The following ERC1 variants were observed in gnomAD, a reference collection of about 807,000 sequenced individuals.
ERC1 encodes the protein RAB6 interacting protein 2.
A neutral mutation model predicts 132.0 loss-of-function variants in ERC1; 56 were observed. The observed-to-expected ratio is 0.42, with a 90% CI of 0.34 to 0.53. The LOEUF (loss-of-function observed/expected upper bound fraction) is 0.53. ERC1 is among the 20% of genes least tolerant of loss of function. The probability of loss-of-function intolerance (pLI) is 0.03; values close to 1 mark genes in which losing one functional copy is unlikely to be tolerated. For synonymous variants in ERC1, 478 were observed against 476.1 expected, an observed-to-expected ratio of 1.00 and a Z score of -0.05; for missense variants, 1,202 against 1,349.9, an observed-to-expected ratio of 0.89 and a Z score of 1.72.
At chr12:1,264,964 G>C (rs1253579756) in intron 14 of ERC1, among the ~76,000 whole-genome samples, 2 of 152,118 alleles carry the variant, frequency 1.3e-5, no homozygotes, top group Non-Finnish European at 2.9e-5. Context: ...TTTGTGTCAA[G>C]TATAGAAAAA....
chr12:1,257,803 A>C (rs926724316), intron 13 of ERC1, among the ~76,000 whole-genome samples: 11 of 152,226 alleles, frequency 7.2e-5, no homozygotes, highest in African/African-American at 2.7e-4. Context: ...GAATTTTCTA[A>C]TAGTCTCATT....
At chr12:1,398,100 C>G (rs913644018) in intron 16 of ERC1, among the ~76,000 whole-genome samples, 4 of 152,272 alleles carry the variant, frequency 2.6e-5, no homozygotes, top group Non-Finnish European at 5.9e-5. Context: ...CCTCCCACCT[C>G]AGCCTCCCAA....
At chr12:1,281,919 G>C (rs549861229) in intron 14 of ERC1, among the ~76,000 whole-genome samples, 3 of 152,170 alleles carry the variant, frequency 2.0e-5, no homozygotes, top group African/African-American at 7.2e-5. Flanking sequence ...GCAGGGGGAT[G>C]TTTGCTTTGA....
chr12:1,351,466 A>G (rs2084987390), intron 15 of ERC1, among the ~76,000 whole-genome samples: 1 of 151,960 alleles, frequency 6.6e-6, no homozygotes, highest in African/African-American at 2.4e-5. Context: ...TCTTGCCATC[A>G]TCTGGTAGTG....
intron 15 of ERC1, among the ~76,000 whole-genome samples, chr12:1,346,964 G>A (rs896578302): frequency 8.7e-4 from 99 of 114,164 alleles, no homozygotes; most frequent in African/African-American, 2.5e-3. Context: ...AAAAAAAAGA[G>A]AGAGATGATG....
intron 12 of ERC1, among the ~76,000 whole-genome samples, chr12:1,235,159 G>A (rs1275426264): frequency 6.6e-6 from 1 of 152,218 alleles, no homozygotes; most frequent in Non-Finnish European, 1.5e-5. Context: ...TTGAGTCCAG[G>A]AGTTCAAGAC....
At chr12:1,186,626 G>T (rs993359376) in intron 11 of ERC1, among the ~76,000 whole-genome samples, 6 of 152,148 alleles carry the variant, frequency 3.9e-5, no homozygotes, top group African/African-American at 1.4e-4. Flanking sequence ...CAAGGTGTAT[G>T]GAGTATCTGC....
At chr12:1,021,367 G>A (rs1966336460) in intron 1 of ERC1, among the ~76,000 whole-genome samples, 1 of 152,072 alleles carries the variant, frequency 6.6e-6, no homozygotes, top group South Asian at 2.1e-4. Flanking sequence ...AGGAGGTAAT[G>A]TCTTCCATTG....
intron 7 of ERC1, among the ~76,000 whole-genome samples, chr12:1,128,195 A>G (rs1480343383): frequency 6.6e-6 from 1 of 152,158 alleles, no homozygotes; most frequent in Non-Finnish European, 1.5e-5. Context: ...TGAACCAATA[A>G]TGGGAGTAAG....
chr12:1,050,966 C>T (rs1181082382), intron 2 of ERC1, among the ~76,000 whole-genome samples: 7 of 152,152 alleles, frequency 4.6e-5, no homozygotes, highest in African/African-American at 1.4e-4. Flanking sequence ...GATTGTGCCA[C>T]TGCACTCCAG....
intron 8 of ERC1, among the ~76,000 whole-genome samples, chr12:1,177,653 G>C (rs1953894276): frequency 6.6e-6 from 1 of 152,154 alleles, no homozygotes; most frequent in Non-Finnish European, 1.5e-5. Context: ...AGTATCATCA[G>C]AGATCACTGA....
chr12:1,137,000 T>C (rs576573550), intron 7 of ERC1, among the ~76,000 whole-genome samples: 1 of 152,180 alleles, frequency 6.6e-6, no homozygotes, highest in African/African-American at 2.4e-5. Flanking sequence ...TGGTATGTGA[T>C]AACAGATTAT....
chr12:1,017,495 ATT>A (rs67654163), intron 1 of ERC1, among the ~76,000 whole-genome samples: 41 of 124,870 alleles, frequency 3.3e-4, no homozygotes, highest in African/African-American at 5.2e-4. Flanking sequence ...TTGTTCTGGT[ATT>A]TTTTTTTTTT....
chr12:1,060,929 T>C (rs1377651324), intron 2 of ERC1, among the ~76,000 whole-genome samples: 2 of 152,096 alleles, frequency 1.3e-5, no homozygotes, highest in Non-Finnish European at 2.9e-5. Context: ...GGTTTCACCG[T>C]GTTAGCCAGG....
rs180974089 is a variant in ERC1, at chr12:1,336,949, G to A, written c.2781-34884G>A. Among the ~76,000 whole-genome samples the A allele has an allele frequency of 3.0e-4, 45 of 152,080 alleles. 1 individual carries two copies. Among genetic ancestry groups the A allele is most frequent in the African/African-American group, 1.0e-3 (43 of 41,488 alleles). ...AGTAGCTGGGACTACAGGCATGCACGAGCATGCTGGCTATTTTGTTCTGTT... is the reference window on the plus strand; with the variant it reads ...AGTAGCTGGGACTACAGGCATGCACAAGCATGCTGGCTATTTTGTTCTGTT... On this transcript the variant is annotated intron_variant, in intron 15 of 18. Coordinates refer to ENST00000360905, the MANE Select transcript of ERC1 (RefSeq NM_178040.4).
chr12:1,409,226 A>C (rs1213981297), intron 17 of ERC1, among the ~76,000 whole-genome samples: 1 of 152,194 alleles, frequency 6.6e-6, no homozygotes, highest in East Asian at 1.9e-4. Flanking sequence ...TTTAGAAGGA[A>C]AACAATGTAA....
chr12:1,353,028 C>CTTTTTTTTTTTTTTTTTTTTTT (rs547540688), intron 15 of ERC1, among the ~76,000 whole-genome samples: 1 of 123,014 alleles, frequency 8.1e-6, no homozygotes, highest in African/African-American at 3.0e-5. Context: ...CTTTTCTTTT[C>CTTTTTTTTTTTTTTTTTTTTTT]TTTTTTTTTT....
chr12:1,092,699 G>A (rs1299425147), intron 3 of ERC1, among the ~76,000 whole-genome samples: 2 of 152,200 alleles, frequency 1.3e-5, no homozygotes, highest in African/African-American at 2.4e-5. Context: ...AATGGCTCAC[G>A]TCTGTAATCC....
chr12:994,066 CAAAAAAAAAA>C (rs72073964), intron 1 of ERC1, among the ~76,000 whole-genome samples: 11 of 64,264 alleles, frequency 1.7e-4, no homozygotes, highest in Non-Finnish European at 3.0e-4. Flanking sequence ...AACTCCGTCT[CAAAAAAAAAA>C]AAAAAAAAAA....
Sources: allele counts gnomAD v4.1 joint callset (sites outside exome capture counted in the v4.1 genomes callset), GRCh38; gene constraint gnomAD v4.1.1; transcripts MANE v1.5; gene names NCBI Gene and HGNC (gene_info 2026-07-23, HGNC 2026-07-21).